Variants in ZBTB7C observed in about 807,000 individuals in gnomAD.
ZBTB7C encodes zinc finger and BTB domain containing 7C.
A neutral mutation model predicts 25.7 loss-of-function variants in ZBTB7C; 8 were observed. The ratio of observed to expected loss-of-function variants is 0.31; its 90% CI spans 0.18 to 0.56. The LOEUF (loss-of-function observed/expected upper bound fraction) is 0.56. ZBTB7C is among the 20% of genes least tolerant of loss of function. The pLI, the probability that ZBTB7C is intolerant of heterozygous loss-of-function variation, is 0.91. For synonymous variants in ZBTB7C, 394 were observed against 369.0 expected, an observed-to-expected ratio of 1.07 and a Z score of -0.78; for missense variants, 824 against 855.2, an observed-to-expected ratio of 0.96 and a Z score of 0.46.
intron 3 of ZBTB7C, among the ~76,000 whole-genome samples, chr18:48,044,078 G>C (rs1299731633): frequency 6.6e-6 from 1 of 152,216 alleles, no homozygotes; most frequent in Non-Finnish European, 1.5e-5. Context: ...CCCCACCAAG[G>C]TGCCCTTGGT....
At chr18:48,294,044 G>A (rs1407804914) in intron 2 of ZBTB7C, among the ~76,000 whole-genome samples, 1 of 152,228 alleles carries the variant, frequency 6.6e-6, no homozygotes, top group Non-Finnish European at 1.5e-5. Context: ...GGCCACCGTG[G>A]GAGTCATTAG....
chr18:48,202,686 C>A (rs1413991784), intron 2 of ZBTB7C, among the ~76,000 whole-genome samples: 1 of 151,938 alleles, frequency 6.6e-6, no homozygotes, highest in Non-Finnish European at 1.5e-5. Flanking sequence ...CCCCACCCCA[C>A]CCCCGCCGCA....
intron 3 of ZBTB7C, among the ~76,000 whole-genome samples, chr18:48,056,480 C>T (rs1034149721): frequency 2.6e-5 from 4 of 152,084 alleles, no homozygotes; most frequent in African/African-American, 4.8e-5. Context: ...TATGAAGACA[C>T]ATTAGAAAGC....
chr18:48,133,697 T>C (rs1419609416), intron 3 of ZBTB7C, among the ~76,000 whole-genome samples: 1 of 151,230 alleles, frequency 6.6e-6, no homozygotes, highest in Admixed American at 6.6e-5. Flanking sequence ...AAATAAATCC[T>C]CCGTGGAAGT....
At chr18:48,174,109 A>G (rs2041590312) in intron 3 of ZBTB7C, among the ~76,000 whole-genome samples, 1 of 152,262 alleles carries the variant, frequency 6.6e-6, no homozygotes, top group Non-Finnish European at 1.5e-5. Flanking sequence ...AAAAGATTGG[A>G]TAATTTGACT....
Position 48,029,633 on chromosome 18 carries a change from C to A in ZBTB7C, c.1487G>T (p.Gly496Val). The A allele has an allele frequency of 2.0e-6, 3 of 1,510,816 alleles. No homozygotes were observed. The highest frequency in any genetic ancestry group is 2.5e-5 in the South Asian group (2 of 80,044). 93.6% of individuals were successfully genotyped at this position (1,510,816 alleles called of 1,614,324 possible). A position where few individuals can be genotyped will look rare whatever the true frequency, so the allele number is the denominator to read the frequency against. Reference sequence around the variant, plus strand: ...GGCCGCCTTGTCGGGGGCCGGGCCGCCGGGCCCGAAGAGCAGGCTGGCGGC... The same window carrying A: ...GGCCGCCTTGTCGGGGGCCGGGCCGACGGGCCCGAAGAGCAGGCTGGCGGC... ...WRAASLLFGP[G>V]GPAPDKAAFV... The change falls in exon 5 of 5, where the codon GGC (glycine) becomes GTC (valine). Residue 496 changes from glycine to valine, a missense_variant. Coordinates refer to ENST00000590800, the MANE Select transcript of ZBTB7C (RefSeq NM_001318841.2).
chr18:48,294,052 T>C (rs2045315961), intron 2 of ZBTB7C, among the ~76,000 whole-genome samples: 2 of 152,232 alleles, frequency 1.3e-5, no homozygotes, highest in South Asian at 4.1e-4. Context: ...TGGGAGTCAT[T>C]AGCACGAATG....
At chr18:48,222,257 A>G (rs1402062717) in intron 2 of ZBTB7C, among the ~76,000 whole-genome samples, 2 of 152,262 alleles carry the variant, frequency 1.3e-5, no homozygotes, top group East Asian at 3.9e-4. Context: ...CATCCTGTGA[A>G]CCCGGATACT....
chr18:48,053,857 G>C (rs978709528), intron 3 of ZBTB7C, among the ~76,000 whole-genome samples: 1 of 152,194 alleles, frequency 6.6e-6, no homozygotes, highest in African/African-American at 2.4e-5. Context: ...GTCAGAGGAC[G>C]GGGACTCTGC....
chr18:48,065,254 G>A (rs2037282461), intron 3 of ZBTB7C, among the ~76,000 whole-genome samples: 1 of 152,114 alleles, frequency 6.6e-6, no homozygotes, highest in Non-Finnish European at 1.5e-5. Flanking sequence ...TTGCAACTAT[G>A]AACTTTGAGT....
chr18:48,247,577 T>G (rs2043729692), intron 2 of ZBTB7C, among the ~76,000 whole-genome samples: 1 of 152,226 alleles, frequency 6.6e-6, no homozygotes, highest in Non-Finnish European at 1.5e-5. Flanking sequence ...AACCTTGTTT[T>G]GTCCAATTCT....
In ZBTB7C at chr18:48,205,953, G is replaced by C. The variant is rs73433323; in HGVS notation, c.-78-19958C>G. Among the ~76,000 whole-genome samples the C allele has an allele frequency of 3.0e-3, 460 of 152,266 alleles. 1 individual carries two copies. Among genetic ancestry groups the C allele is most frequent in the African/African-American group, 0.011 (451 of 41,538 alleles). On this transcript the variant is annotated intron_variant, in intron 2 of 4. Transcript: ENST00000590800. ...AAATGAGTGCTTACCTATTTACTTA[G>C]TGGCCAAGAGAAGTCAGGCAGCAGC...
intron 3 of ZBTB7C, among the ~76,000 whole-genome samples, chr18:48,067,204 T>A (rs2037364474): frequency 1.3e-5 from 2 of 152,114 alleles, no homozygotes; most frequent in African/African-American, 4.8e-5. Context: ...CCTCCTGGAG[T>A]CATAGCCTTC....
intron 3 of ZBTB7C, among the ~76,000 whole-genome samples, chr18:48,084,410 C>T (rs557571526): frequency 2.0e-5 from 3 of 152,176 alleles, no homozygotes; most frequent in African/African-American, 2.4e-5. Context: ...TATTAGGAAG[C>T]GGCCATCTTT....
chr18:48,366,377 G>A (rs2145129186), intron 1 of ZBTB7C, among the ~76,000 whole-genome samples: 1 of 152,310 alleles, frequency 6.6e-6, no homozygotes, highest in African/African-American at 2.4e-5. Flanking sequence ...TAATATTCAG[G>A]TAGGAATGAC....
intron 2 of ZBTB7C, among the ~76,000 whole-genome samples, chr18:48,320,769 C>T (rs2046071633): frequency 6.6e-6 from 1 of 152,244 alleles, no homozygotes; most frequent in African/African-American, 2.4e-5. Context: ...TGCGGCCCTG[C>T]TTCTCAGACC....
chr18:48,376,453 C>T (rs530178624), intron 1 of ZBTB7C, among the ~76,000 whole-genome samples: 29 of 152,328 alleles, frequency 1.9e-4, no homozygotes, highest in African/African-American at 7.0e-4. Flanking sequence ...TTTTGGGGCA[C>T]GATGTCTGAG....
chr18:48,150,139 T>C (rs2040629451), intron 3 of ZBTB7C: 1 of 152,146 alleles, frequency 6.6e-6, no homozygotes, highest in South Asian at 2.1e-4. Flanking sequence ...TACCAACAGT[T>C]CTATGAAGTC....
chr18:48,328,178 T>C (rs562788558), intron 2 of ZBTB7C, among the ~76,000 whole-genome samples: 44 of 133,252 alleles, frequency 3.3e-4, no homozygotes, highest in Admixed American at 7.0e-4. Flanking sequence ...CGAGACTCTG[T>C]CTCAAAAAAA....
Sources: allele counts gnomAD v4.1 joint callset (sites outside exome capture counted in the v4.1 genomes callset), GRCh38; gene constraint gnomAD v4.1.1; transcripts MANE v1.5; gene names NCBI Gene and HGNC (gene_info 2026-07-23, HGNC 2026-07-21).